MYO10: variants seen among roughly 807,000 people sequenced by gnomAD.
The protein encoded by MYO10 is unconventional myosin-X.
In MYO10, 133 loss-of-function variants were observed where a neutral mutation model predicts 257.3. The observed-to-expected ratio is 0.52, with a 90% confidence interval of 0.45 to 0.60. MYO10 has a LOEUF of 0.60. MYO10 is among the 20% of genes least tolerant of loss of function. The pLI is 0.00. For synonymous variants in MYO10, 1,104 were observed against 1,028.6 expected (o/e 1.07, Z -1.40); for missense variants, 2,399 against 2,635.7 (o/e 0.91, Z 1.97).
rs544488389 is a variant in MYO10, at chr5:16,795,688, T to G, written c.280-855A>C. 1.1e-4 allele frequency among the ~76,000 whole-genome samples: 16 copies of G among 152,306 alleles called. No homozygotes were observed. The South Asian group carries it at 3.3e-3, about 32-fold the overall frequency. ...TATTTATTTTTATTTTTAATTTTTT[T>G]TGTAGAGACATGGTCTTGCTTTGTT... is the stretch of plus-strand genomic sequence containing the variant. On this transcript the variant is annotated intron_variant, in intron 3 of 40. Coordinates refer to ENST00000513610, the MANE Select transcript of MYO10 (RefSeq NM_012334.3).
At chr5:16,918,500 C>CTTTT (rs5866221) in intron 1 of MYO10, among the ~76,000 whole-genome samples, 10 of 117,680 alleles carry the variant, frequency 8.5e-5, no homozygotes, top group African/African-American at 1.9e-4. Context: ...TTTTTCTTTT[C>CTTTT]TTTTTTTTTT....
At chr5:16,719,383 A>G (rs1430390841) in intron 19 of MYO10, among the ~76,000 whole-genome samples, 3 of 152,192 alleles carry the variant, frequency 2.0e-5, no homozygotes, top group African/African-American at 2.4e-5. Context: ...ATGAGATGAC[A>G]CACCACAGTG....
intron 34 of MYO10, 107 bp from the exon 35 acceptor site, chr5:16,675,257 G>A: frequency 8.9e-7 from 1 of 1,129,762 alleles, no homozygotes; most frequent in Non-Finnish European, 1.3e-6. Flanking sequence ...GAGGACGGAT[G>A]CAATGCCCAC....
intron 19 of MYO10, 23 bp from the exon 20 acceptor site, chr5:16,711,268 A>G (rs1266535262): frequency 6.3e-7 from 1 of 1,593,562 alleles, no homozygotes; most frequent in Admixed American, 1.7e-5. Flanking sequence ...AAAAAAAAAG[A>G]TGGGATACCA....
chr5:16,837,579 A>G (rs965853223), intron 2 of MYO10, among the ~76,000 whole-genome samples: 11 of 152,174 alleles, frequency 7.2e-5, no homozygotes, highest in African/African-American at 1.9e-4. Context: ...TAAATACACT[A>G]AAGAAGTTGC....
intron 1 of MYO10, among the ~76,000 whole-genome samples, chr5:16,928,991 CG>C (rs1319855948): frequency 6.7e-6 from 1 of 149,714 alleles, no homozygotes; most frequent in Non-Finnish European, 1.5e-5. Context: ...CTTGCTCTGT[CG>C]CCCAGGCTGG....
At chr5:16,804,574 CA>C (rs1441215148) in intron 3 of MYO10, among the ~76,000 whole-genome samples, 2 of 152,148 alleles carry the variant, frequency 1.3e-5, no homozygotes, top group Non-Finnish European at 2.9e-5. Flanking sequence ...TCGTTTATTT[CA>C]AGAAAGACAA....
At chr5:16,670,176 G>C (rs951077475) in intron 39 of MYO10, among the ~76,000 whole-genome samples, 4 of 152,022 alleles carry the variant, frequency 2.6e-5, no homozygotes, top group Non-Finnish European at 5.9e-5. Context: ...TAAAATGCAA[G>C]TATATCCAAA....
intron 1 of MYO10, among the ~76,000 whole-genome samples, chr5:16,889,105 G>A (rs568148610): frequency 1.9e-4 from 29 of 151,914 alleles, no homozygotes; most frequent in South Asian, 1.3e-3. Flanking sequence ...CCCAAGAGGC[G>A]GAGGTTGCAG....
chr5:16,901,742 C>G (rs1745384123), intron 1 of MYO10, among the ~76,000 whole-genome samples: 1 of 152,190 alleles, frequency 6.6e-6, no homozygotes. Flanking sequence ...GCACCTGATT[C>G]ACTCACAGCC....
chr5:16,732,039 T>C (rs187096592), intron 19 of MYO10, among the ~76,000 whole-genome samples: 61 of 152,222 alleles, frequency 4.0e-4, no homozygotes, highest in Admixed American at 3.4e-3. Context: ...GTGTGAGGAA[T>C]AGGAGCAGGT....
chr5:16,718,596 C>T (rs1384838941), intron 19 of MYO10, among the ~76,000 whole-genome samples: 2 of 148,368 alleles, frequency 1.3e-5, no homozygotes, highest in East Asian at 3.9e-4. Flanking sequence ...ACACACCAAT[C>T]GGCACTCTGT....
At chr5:16,743,787 A>C (rs1740093866) in intron 19 of MYO10, among the ~76,000 whole-genome samples, 1 of 152,218 alleles carries the variant, frequency 6.6e-6, no homozygotes, top group African/African-American at 2.4e-5. Context: ...GACACATGAC[A>C]GTACTTATTT....
intron 3 of MYO10, chr5:16,815,076 C>G (rs2126701421): frequency 5.7e-6 from 1 of 176,922 alleles, no homozygotes; most frequent in East Asian, 1.5e-4. Flanking sequence ...TGCCTGTAAT[C>G]CCAGGTACTC....
rs202048072 is a variant in MYO10, at chr5:16,725,794, T to TA, written c.1930-14550_1930-14549insT. Reference sequence around the variant, plus strand: ...AGAAGCAACAGGTACCCCCTTTTTTTTTTTTTTTTGTGAGGCGGAGTCTAG... The same window carrying TA: ...AGAAGCAACAGGTACCCCCTTTTTTTATTTTTTTTTGTGAGGCGGAGTCTAG... On this transcript the variant is annotated intron_variant, in intron 19 of 40. Coordinates refer to ENST00000513610, the MANE Select transcript of MYO10 (RefSeq NM_012334.3). 1.0e-3 allele frequency among the ~76,000 whole-genome samples: 154 copies of TA among 151,800 alleles called. 4 individuals carry two copies. The East Asian group carries it at 0.029, about 28-fold the overall frequency.
rs141136822 is a variant in MYO10 at position 16,915,194 on chromosome 5, G to C, written c.21+20594C>G. Among the ~76,000 whole-genome samples the C allele has an allele frequency of 1.7e-3, 257 of 152,234 alleles. 1 individual carries two copies. The highest frequency in any genetic ancestry group is 5.8e-3 in the African/African-American group (240 of 41,550). On this transcript the variant is annotated intron_variant, in intron 1 of 40. Transcript: ENST00000513610. ...CCTTTACACTGAACTAAGGTATATA[G>C]TGCAAGACAAAAAGAGTACTTTCTG... is the stretch of plus-strand genomic sequence containing the variant.
intron 1 of MYO10, among the ~76,000 whole-genome samples, chr5:16,909,685 A>T (rs1463614051): frequency 6.6e-6 from 1 of 152,006 alleles, no homozygotes; most frequent in Non-Finnish European, 1.5e-5. Context: ...ACACAGCCAA[A>T]CCACATCAGA....
intron 35 of MYO10, among the ~76,000 whole-genome samples, chr5:16,674,432 G>A (rs1382074166): frequency 6.6e-6 from 1 of 152,068 alleles, no homozygotes; most frequent in East Asian, 1.9e-4. Context: ...TCATGCCATT[G>A]CACTCTAGCC....
intron 27 of MYO10, among the ~76,000 whole-genome samples, chr5:16,693,083 A>G (rs1250159175): frequency 6.6e-6 from 1 of 152,130 alleles, no homozygotes; most frequent in Non-Finnish European, 1.5e-5. Context: ...CCTGGGCAAC[A>G]TGGCGAAACC....
Sources: allele counts gnomAD v4.1 joint callset (sites outside exome capture counted in the v4.1 genomes callset), GRCh38; gene constraint gnomAD v4.1.1; transcripts MANE v1.5; gene names NCBI Gene and HGNC (gene_info 2026-07-23, HGNC 2026-07-21).